The following SEMA4D variants were observed in gnomAD, a reference collection of about 807,000 sequenced individuals.
SEMA4D encodes semaphorin-4D.
A neutral mutation model predicts 74.8 loss-of-function variants in SEMA4D; 22 were observed. The observed-to-expected ratio is 0.29, with a 90% confidence interval of 0.21 to 0.42. The LOEUF (loss-of-function observed/expected upper bound fraction) is 0.42. Ranked by LOEUF, SEMA4D falls within the 10% of genes least tolerant of loss-of-function variation. The pLI is 1.00. For missense variants in SEMA4D, 937 were observed against 1,118.4 expected (o/e 0.84, Z 2.31); for synonymous variants, 445 against 463.7 (o/e 0.96, Z 0.52).
intron 2 of SEMA4D, among the ~76,000 whole-genome samples, chr9:89,444,088 C>G (rs1157651959): frequency 1.3e-5 from 2 of 152,232 alleles, no homozygotes; most frequent in African/African-American, 2.4e-5. Context: ...ACTGCTCCCC[C>G]CATAATAAAC....
At chr9:89,486,677 G>A (rs576225359) in intron 1 of SEMA4D, among the ~76,000 whole-genome samples, 75 of 152,288 alleles carry the variant, frequency 4.9e-4, no homozygotes, top group African/African-American at 1.7e-3. Context: ...AGGCCAAAGC[G>A]GGAAGATGGC....
intron 1 of SEMA4D, among the ~76,000 whole-genome samples, chr9:89,487,517 C>G (rs1444653896): frequency 6.6e-6 from 1 of 151,996 alleles, no homozygotes; most frequent in East Asian, 1.9e-4. Flanking sequence ...AATCATTGTA[C>G]TGAAAGTCCT....
chr9:89,396,966 G>T, intron 5 of SEMA4D, 131 bp from the exon 6 acceptor site: 1 of 749,466 alleles, frequency 1.3e-6, no homozygotes, highest in Non-Finnish European at 2.3e-6. Context: ...GTGGCCCCAG[G>T]CCAACGAGGC....
At chr9:89,376,130 C>T (rs993798430), downstream of SEMA4D, among the ~76,000 whole-genome samples, 1 of 152,338 alleles carries the variant, frequency 6.6e-6, no homozygotes, top group Admixed American at 6.5e-5. Context: ...CAATCTTTTC[C>T]GCTTTTAAAT....
Position 89,485,440 on chromosome 9 carries a change from G to A in SEMA4D, c.-310+12479C>T, listed in dbSNP as rs146693307. ...AACATTCATGATTCTTTAAATAAATGTCTAGCTCATTCAGACTCCAATGGC... is the reference window on the plus strand; with the variant it reads ...AACATTCATGATTCTTTAAATAAATATCTAGCTCATTCAGACTCCAATGGC... On this transcript the variant is annotated intron_variant, in intron 1 of 15. Transcript: ENST00000422704. Among the ~76,000 whole-genome samples, 456 of 152,208 alleles carry A rather than the reference G, an allele frequency of 3.0e-3. 3 individuals are homozygous for A. Among genetic ancestry groups the A allele is most frequent in the African/African-American group, 0.01 (431 of 41,516 alleles).
chr9:89,405,419 G>A lies in SEMA4D; in HGVS notation c.38C>T (p.Ala13Val), dbSNP rs150177432. The change falls in exon 3 of 16, where the codon GCC becomes GTC. Residue 13 changes from alanine (A) to valine (V), a missense_variant. Coordinates refer to ENST00000422704, the MANE Select transcript of SEMA4D (RefSeq NM_001371194.2). ...CGCTGTCCCAAACATCACTGCAAGGGCCATGAGCAGCCCCCTAATGGGGGT... is the reference window on the plus strand; with the variant it reads ...CGCTGTCCCAAACATCACTGCAAGGACCATGAGCAGCCCCCTAATGGGGGT... The part of the protein sequence containing the change: ...MCTPIRGLLM[A>V]LAVMFGTAMA... 1.9e-6 allele frequency: 3 copies of A among 1,614,040 alleles called. No individual in the cohort carries two copies. Among genetic ancestry groups the A allele is most frequent in the Non-Finnish European group, 2.5e-6 (3 of 1,180,014 alleles).
chr9:89,405,437 A>G lies in SEMA4D; in HGVS notation c.20T>C (p.Ile7Thr). The change falls in exon 3 of 16, where the codon ATT becomes ACT. Residue 7 changes from isoleucine to threonine, a missense_variant. Coordinates refer to ENST00000422704, the MANE Select transcript of SEMA4D (RefSeq NM_001371194.2). ...TGCAAGGGCCATGAGCAGCCCCCTAATGGGGGTGCACATCCTCATCAGGTA... is the reference window on the plus strand; with the variant it reads ...TGCAAGGGCCATGAGCAGCCCCCTAGTGGGGGTGCACATCCTCATCAGGTA... MRMCTPIRGLLMALAVM... is the reference protein window; with the variant it reads MRMCTPTRGLLMALAVM... 6.2e-7 allele frequency: 1 copy of G among 1,613,882 alleles called. No individual in the cohort carries two copies. The highest frequency in any genetic ancestry group is 1.6e-4 in the Middle Eastern group (1 of 6,062).
At chr9:89,393,829 T>C (rs1027907878) in intron 6 of SEMA4D, among the ~76,000 whole-genome samples, 174 bp from the exon 7 acceptor site, 3 of 152,244 alleles carry the variant, frequency 2.0e-5, no homozygotes, top group Non-Finnish European at 4.4e-5. Flanking sequence ...CTTGTGTTGC[T>C]CAGCTCAGGT....
chr9:89,449,932 TTC>T (rs1302108739), intron 2 of SEMA4D: 11 of 1,479,402 alleles, frequency 7.4e-6, no homozygotes, highest in African/African-American at 2.8e-5. Flanking sequence ...GCTCGTACTT[TTC>T]TGACTGATGT....
intron 1 of SEMA4D, among the ~76,000 whole-genome samples, chr9:89,464,357 G>A (rs887154468): frequency 6.6e-6 from 1 of 152,194 alleles, no homozygotes; most frequent in Admixed American, 6.5e-5. Context: ...AAACAGCTGG[G>A]GTGGGGCTGA....
Position 89,391,370 on chromosome 9 carries a change from C to T in SEMA4D, c.668G>A (p.Ser223Asn), listed in dbSNP as rs989276085. 6.2e-7 allele frequency: 1 copy of T among 1,614,150 alleles called. No homozygotes were observed. The highest frequency in any genetic ancestry group is 1.3e-5 in the African/African-American group (1 of 74,956). ...GACCCTGTCATCCTCGCCGTCGGGG[C>T]TGTCTGGGCTTTTTCGGATCACGTC... ...FADVIRKSPD[S>N]PDGEDDRVYF... The change falls in exon 9 of 16, where the codon AGC becomes AAC. Residue 223 changes from serine (S) to asparagine (N), a missense_variant. Coordinates refer to ENST00000422704, the MANE Select transcript of SEMA4D (RefSeq NM_001371194.2).
intron 2 of SEMA4D, among the ~76,000 whole-genome samples, chr9:89,413,747 T>C (rs191639778): frequency 6.6e-6 from 1 of 152,396 alleles, no homozygotes; most frequent in Non-Finnish European, 1.5e-5. Flanking sequence ...TGTGTGCACC[T>C]GTGCATGTCT....
intron 2 of SEMA4D, chr9:89,450,660 G>GGGAAAA (rs1491451024): frequency 7.4e-5 from 32 of 430,466 alleles, no homozygotes; most frequent in Middle Eastern, 1.5e-3. Flanking sequence ...AAAAACCCAG[G>GGGAAAA]AAAAAAAAAA....
At chr9:89,365,300 G>C (rs1199549362) in intron 16 of SEMA4D, 1 of 152,368 alleles carries the variant, frequency 6.6e-6, no homozygotes, top group Non-Finnish European at 1.5e-5. Flanking sequence ...GGCTGGGGAG[G>C]CCGGCCAGCC....
rs149541844 is a variant in SEMA4D at position 89,389,036 on chromosome 9, G to A, written c.786C>T (p.Gly262=). 328 of 1,614,054 alleles carry A rather than the reference G, an allele frequency of 2.0e-4. 1 individual carries two copies. The highest frequency in any genetic ancestry group is 1.7e-3 in the South Asian group (156 of 91,076). The part of the protein sequence containing the change: ...RIARVCKGDQ[G]GLRTLQKKWT... ...ATTTCTTCTGCAAGGTCCTCAGGCCGCCCTGGTCCCCCTAAAACCCCAACA... is the reference window on the plus strand; with the variant it reads ...ATTTCTTCTGCAAGGTCCTCAGGCCACCCTGGTCCCCCTAAAACCCCAACA... The change falls in exon 10 of 16, where the codon GGC becomes GGT. Residue 262 remains glycine, a synonymous_variant. Coordinates refer to ENST00000422704, the MANE Select transcript of SEMA4D (RefSeq NM_001371194.2).
Position 89,388,748 on chromosome 9 carries a change from G to A in SEMA4D, c.995C>T (p.Thr332Ile), listed in dbSNP as rs1376869725. ...CCCGTGGGAGAAGACCTCCTCGGCTGTGGACAGGTTGTAGGCGCACACTGC... is the reference window on the plus strand; with the variant it reads ...CCCGTGGGAGAAGACCTCCTCGGCTATGGACAGGTTGTAGGCGCACACTGC... ...LSAVCAYNLS[T>I]AEEVFSHGKY... Residue 332 changes from threonine (T) to isoleucine (I), a missense_variant, in exon 11 of 16, where the codon ACA (threonine) becomes ATA (isoleucine). Physicochemically the swap from Thr to Ile is moderately conservative, Grantham distance 89. Transcript: ENST00000422704. 3 of 1,611,250 alleles carry A rather than the reference G, an allele frequency of 1.9e-6. No individual in the cohort carries two copies. The highest frequency in any genetic ancestry group is 2.7e-5 in the African/African-American group (2 of 74,894).
At chr9:89,491,870 C>CG (rs1332806989) in intron 1 of SEMA4D, among the ~76,000 whole-genome samples, 1 of 152,134 alleles carries the variant, frequency 6.6e-6, no homozygotes, top group Non-Finnish European at 1.5e-5. Flanking sequence ...CTGTGGGCCC[C>CG]GGGGCCAAGA....
intron 6 of SEMA4D, among the ~76,000 whole-genome samples, chr9:89,395,424 CAA>C (rs60494089): frequency 4.5e-5 from 5 of 112,054 alleles, no homozygotes; most frequent in South Asian, 2.8e-4. Context: ...AACTCCGTCT[CAA>C]AAAAAAAAAA....
chr9:89,494,942 T>C (rs977178389), intron 1 of SEMA4D, among the ~76,000 whole-genome samples: 1 of 152,174 alleles, frequency 6.6e-6, no homozygotes, highest in Non-Finnish European at 1.5e-5. Context: ...CAAATGTCCA[T>C]GAGACACATC....
Sources: gnomAD v4.1 joint callset for allele counts (sites outside exome capture counted in the v4.1 genomes callset) on GRCh38, gnomAD v4.1.1 for gene constraint, MANE v1.5 for transcripts, NCBI Gene and HGNC (gene_info 2026-07-23, HGNC 2026-07-21) for gene names.